The following SCGB1C1 variants were observed in gnomAD, a reference collection of about 807,000 sequenced individuals.
SCGB1C1 encodes secretoglobin family 1C member 1, also known as ligand binding protein RYD5.
A neutral mutation model predicts 8.9 loss-of-function variants in SCGB1C1; 2 were observed. The ratio of observed to expected loss-of-function variants is 0.23; its 90% CI spans 0.09 to 0.71. SCGB1C1 has a LOEUF of 0.71. Among genes scored for constraint, SCGB1C1 ranks in the 30% least tolerant of loss-of-function variants. The pLI is 0.78. For missense variants in SCGB1C1, 25 were observed against 112.7 expected, an observed-to-expected ratio of 0.22 and a Z score of 3.52; for synonymous variants, 6 against 45.8, an observed-to-expected ratio of 0.13 and a Z score of 3.51.
rs1854856133 is a variant in SCGB1C1, at chr11:193,601, G to A, written c.56-111G>A. The A allele has an allele frequency of 1.6e-5, 24 of 1,461,114 alleles. No homozygotes were observed. In the South Asian group the frequency reaches 3.0e-4, roughly 18 times the overall value. 90.5% of individuals were successfully genotyped at this position (1,461,114 alleles called of 1,614,324 possible). A position where few individuals can be genotyped will look rare whatever the true frequency, so the allele number is the denominator to read the frequency against. ...GCCCTGGGGAGGAGAGGTGGGCATT[G>A]AAGGGGAAGGTCTGGAGACCATGGA... On this transcript the variant is annotated intron_variant, in intron 1 of 2. Coordinates refer to ENST00000342878, the MANE Select transcript of SCGB1C1 (RefSeq NM_145651.3).
At chr11:188,057 C>T in the SCGB1C1 span, among the ~76,000 whole-genome samples, 2 of 149,666 alleles carry the variant, frequency 1.3e-5, no homozygotes, top group Non-Finnish European at 3.0e-5. Context: ...AGTCAATGGC[C>T]GGCAGCCAGC....
upstream of SCGB1C1, among the ~76,000 whole-genome samples, chr11:192,577 A>G (rs1354812270): frequency 6.8e-6 from 1 of 147,054 alleles, no homozygotes; most frequent in Non-Finnish European, 1.5e-5. Context: ...AGGTAGTCCT[A>G]CAGCTGTGTC....
upstream of SCGB1C1, among the ~76,000 whole-genome samples, chr11:189,499 CG>C (rs375507109): frequency 4.0e-5 from 5 of 123,828 alleles, no homozygotes; most frequent in Admixed American, 2.6e-4. Flanking sequence ...CCCTGGGGGG[CG>C]GGGGGAGGCG....
upstream of SCGB1C1, among the ~76,000 whole-genome samples, chr11:191,793 C>T (rs534186046): frequency 8.5e-5 from 13 of 152,388 alleles, no homozygotes; most frequent in Non-Finnish European, 1.5e-5. Flanking sequence ...AATACGCCAC[C>T]CCAAAACCTA....
chr11:191,688 T>C (rs1472583426), upstream of SCGB1C1, among the ~76,000 whole-genome samples: 3 of 152,214 alleles, frequency 2.0e-5, no homozygotes, highest in Non-Finnish European at 4.4e-5. Flanking sequence ...GGTCTATATC[T>C]GTTAGAATTG....
At chr11:191,891 TACCCCTA>T (rs148183910), upstream of SCGB1C1, among the ~76,000 whole-genome samples, 19 of 2,762 alleles carry the variant, frequency 6.9e-3, no homozygotes, top group Admixed American at 0.023. Context: ...CCCTAACCCC[TACCCCTA>T]ACCCCTAACC....
At position 194,456 on chromosome 11, in the gene SCGB1C1, C is replaced by T. The variant is rs1244261283; in HGVS notation, c.*6C>T. 2 of 776,520 alleles carry T rather than the reference C, an allele frequency of 2.6e-6. No individual in the cohort carries two copies. The allele number at this position is 776,520 out of a possible 1,614,324, so 48.1% of individuals were successfully genotyped here. ...GCAGTCAGGACGGTGCCTAAGTGGA[C>T]CTCAGACATGGCTCAGCCATAGGAC... On this transcript the variant is annotated 3_prime_UTR_variant, in exon 3 of 3. Transcript: ENST00000342878.
At chr11:188,137 A>G (rs1339373397), upstream of SCGB1C1, among the ~76,000 whole-genome samples, 216 of 152,050 alleles carry the variant, frequency 1.4e-3, no homozygotes, top group Non-Finnish European at 2.3e-3. Flanking sequence ...AGCCACCTCT[A>G]TACCTCACTT....
At chr11:189,579 A>T (rs1268128558), upstream of SCGB1C1, among the ~76,000 whole-genome samples, 4 of 139,712 alleles carry the variant, frequency 2.9e-5, no homozygotes, top group African/African-American at 1.0e-4. Flanking sequence ...GCAGACGCAG[A>T]GTCACGCGCC....
At chr11:191,786 A>T (rs1406083838), upstream of SCGB1C1, among the ~76,000 whole-genome samples, 1 of 152,308 alleles carries the variant, frequency 6.6e-6, no homozygotes, top group Admixed American at 6.5e-5. Context: ...AGACCAAAAT[A>T]CGCCACCCCA....
chr11:192,847 CCA>C, upstream of SCGB1C1, among the ~76,000 whole-genome samples: 1 of 139,518 alleles, frequency 7.2e-6, no homozygotes, highest in Non-Finnish European at 1.6e-5. Flanking sequence ...TGGCCTCTCA[CCA>C]GTGTTCCCTC....
upstream of SCGB1C1, among the ~76,000 whole-genome samples, chr11:189,455 G>GCCGGCGCC (rs1854735802): frequency 7.7e-6 from 1 of 130,474 alleles, no homozygotes; most frequent in Non-Finnish European, 1.5e-5. Flanking sequence ...GCACAGAGGC[G>GCCGGCGCC]CGGCGCGCGG....
At chr11:190,307 C>T (rs1449741361), upstream of SCGB1C1, among the ~76,000 whole-genome samples, 4 of 138,150 alleles carry the variant, frequency 2.9e-5, no homozygotes, top group Non-Finnish European at 4.8e-5. Flanking sequence ...GCCTCCTGCA[C>T]CACTAAAGTC....
At chr11:188,565 T>C (rs1854716946), upstream of SCGB1C1, among the ~76,000 whole-genome samples, 1 of 152,268 alleles carries the variant, frequency 6.6e-6, no homozygotes, top group Non-Finnish European at 1.5e-5. Flanking sequence ...AAATGGGTGA[T>C]TTCCTAGTAA....
chr11:191,915 G>A (rs548357980), upstream of SCGB1C1, among the ~76,000 whole-genome samples: 7 of 149,136 alleles, frequency 4.7e-5, no homozygotes, highest in South Asian at 4.3e-4. Context: ...AACCCTTACC[G>A]GTGACCCTAC....
upstream of SCGB1C1, among the ~76,000 whole-genome samples, chr11:192,184 C>T: frequency 1.3e-5 from 2 of 149,168 alleles, no homozygotes; most frequent in Admixed American, 6.6e-5. Flanking sequence ...CACTAGGTGG[C>T]AGCAGGGGCC....
chr11:192,482 A>G (rs1275117148), upstream of SCGB1C1, among the ~76,000 whole-genome samples: 1 of 150,540 alleles, frequency 6.6e-6, no homozygotes, highest in Non-Finnish European at 1.5e-5. Context: ...GGCCAGCTCT[A>G]TGTTCCTCAG....
upstream of SCGB1C1, among the ~76,000 whole-genome samples, chr11:191,915 G>T (rs548357980): frequency 6.7e-6 from 1 of 149,016 alleles, no homozygotes; most frequent in African/African-American, 2.5e-5. Flanking sequence ...AACCCTTACC[G>T]GTGACCCTAC....
In SCGB1C1 at chr11:194,324, C is replaced by T. The variant is rs557237193; in HGVS notation, c.256-94C>T. 200 of 1,186,500 alleles carry T rather than the reference C, an allele frequency of 1.7e-4. No individual in the cohort carries two copies. In the East Asian group the frequency reaches 4.3e-3, roughly 25 times the overall value. 73.5% of individuals were successfully genotyped at this position (1,186,500 alleles called of 1,614,324 possible). On this transcript the variant is annotated intron_variant, in intron 2 of 2. Transcript: ENST00000342878. ...AGGAGATAGGCAGCAATATGCCAGA[C>T]CCCCCCCCACTGAGGGCCTTGCTTG...
Sources: gnomAD v4.1 joint callset for allele counts (sites outside exome capture counted in the v4.1 genomes callset) on GRCh38, gnomAD v4.1.1 for gene constraint, MANE v1.5 for transcripts, NCBI Gene and HGNC (gene_info 2026-07-23, HGNC 2026-07-21) for gene names.